Variants in SEC16A observed in about 807,000 individuals in gnomAD.
The protein encoded by SEC16A is SEC16 homolog A, endoplasmic reticulum export factor.
In SEC16A, 110 loss-of-function variants were observed where a neutral mutation model predicts 221.9. The observed-to-expected ratio is 0.50, with a 90% CI of 0.42 to 0.58. The LOEUF (loss-of-function observed/expected upper bound fraction) is 0.58, where lower values mean the gene tolerates loss of function less well. Among genes scored for constraint, SEC16A ranks in the 20% least tolerant of loss-of-function variants. The probability of loss-of-function intolerance (pLI) is 0.00; values close to 1 mark genes in which losing one functional copy is unlikely to be tolerated. For synonymous variants in SEC16A, 1,393 were observed against 1,257.7 expected, an observed-to-expected ratio of 1.11 and a Z score of -2.28; for missense variants, 3,165 against 3,097.8, an observed-to-expected ratio of 1.02 and a Z score of -0.52.
At chr9:136,481,771 T>C (rs923974560) in intron 1 of SEC16A, among the ~76,000 whole-genome samples, 6 of 152,148 alleles carry the variant, frequency 3.9e-5, no homozygotes, top group African/African-American at 1.4e-4. Flanking sequence ...TGTGGGATGC[T>C]TGACACAAAG....
In SEC16A at chr9:136,476,213, T is replaced by G; in HGVS notation, c.1403A>C (p.Gln468Pro). 1 of 1,613,798 alleles carries G rather than the reference T, an allele frequency of 6.2e-7. No individual in the cohort carries two copies. Among genetic ancestry groups the G allele is most frequent in the Non-Finnish European group, 8.5e-7 (1 of 1,179,888 alleles). Residue 468 changes from glutamine to proline, a missense_variant, in exon 3 of 32, where the codon CAA becomes CCA. By Grantham distance (76) the Gln-to-Pro change is moderately conservative. Coordinates refer to ENST00000684901, the MANE Select transcript of SEC16A (RefSeq NM_014866.2). ...GAGGGGCTCACTTGGCAGAACTTCT[T>G]GATTCTGAACAAATTCTAAGTTCTC... The part of the protein sequence containing the change: ...NVENLEFVQN[Q>P]EVLPSEPLNL...
Position 136,475,088 on chromosome 9 carries a change from A to G in SEC16A, c.2528T>C (p.Ile843Thr). The change falls in exon 3 of 32, where the codon ATT becomes ACT. Residue 843 changes from isoleucine to threonine, a missense_variant. By Grantham distance (89) the Ile-to-Thr change is moderately conservative (BLOSUM62 -1). Around this residue, in one of 3 missense-constraint regions of SEC16A, gnomAD observed 2,030 missense variants for 1,923.1 expected, o/e 1.06. Coordinates refer to ENST00000684901, the MANE Select transcript of SEC16A (RefSeq NM_014866.2). This position sits in a 1 kb window ranked among gnomAD's most constrained non-coding sequence, Gnocchi z 5.0. The stretch of plus-strand genomic sequence containing the variant: ...GTTCGATAAGGACACAGAAAAGTTA[A>G]TGGGCTGAGCCAGATTATAGCTGTG... Reference protein sequence around the residue: ...PDHSYNLAQPINFSVSLSNSH... With the variant: ...PDHSYNLAQPTNFSVSLSNSH... 1 of 1,613,844 alleles carries G rather than the reference A, an allele frequency of 6.2e-7. No homozygotes were observed. The highest frequency in any genetic ancestry group is 8.5e-7 in the Non-Finnish European group (1 of 1,179,850).
intron 31 of SEC16A, 105 bp from the exon 32 acceptor site, chr9:136,441,928 C>T: frequency 1.0e-6 from 1 of 963,024 alleles, no homozygotes; most frequent in South Asian, 1.3e-5. Context: ...CCACACGGGC[C>T]ATTGGCGCTG....
intron 1 of SEC16A, among the ~76,000 whole-genome samples, 200 bp from the exon 2 acceptor site, chr9:136,479,030 G>A (rs532061378): frequency 6.6e-6 from 1 of 152,158 alleles, no homozygotes; most frequent in Non-Finnish European, 1.5e-5. Context: ...GCCTGGAATG[G>A]AAACTCCCAG....
chr9:136,475,777 C>T lies in SEC16A; in HGVS notation c.1839G>A (p.Pro613=), dbSNP rs376950548. 1.6e-4 allele frequency: 254 copies of T among 1,596,136 alleles called. No individual in the cohort carries two copies. The African/African-American group carries it at 1.7e-3, about 11-fold the overall frequency. ...TTACCCCAACTAAGTGAGATTTTACCGGTTCGAAAGAACTATTTGCACTTG... is the reference window on the plus strand; with the variant it reads ...TTACCCCAACTAAGTGAGATTTTACTGGTTCGAAAGAACTATTTGCACTTG... ...FQTSANSSFE[P]VKSHLVGVKP... The change falls in exon 3 of 32, where the codon CCG becomes CCA. Residue 613 remains proline (P), a synonymous_variant. Transcript: ENST00000684901. The surrounding 1 kb of genome is among the most constrained non-coding windows in gnomAD (Gnocchi z 5.0).
At position 136,475,292 on chromosome 9, in the gene SEC16A, G is replaced by A. The variant is rs747047662; in HGVS notation, c.2324C>T (p.Ser775Leu). The A allele has an allele frequency of 1.3e-5, 21 of 1,613,322 alleles. No individual in the cohort carries two copies. The highest frequency in any genetic ancestry group is 1.7e-5 in the Non-Finnish European group (20 of 1,179,728). Residue 775 changes from serine to leucine, a missense_variant, in exon 3 of 32, where the codon TCG (serine) becomes TTG (leucine). Physicochemically the swap from Ser to Leu is moderately radical, Grantham distance 145. Coordinates refer to ENST00000684901, the MANE Select transcript of SEC16A (RefSeq NM_014866.2). This position sits in a 1 kb window ranked among gnomAD's most constrained non-coding sequence, Gnocchi z 5.0. Reference sequence around the variant, plus strand: ...ACCTCGGCTCTGCACCGGGGCCGCCGAGCTTGGGTTCCGTGACTGCTGCCC... The same window carrying A: ...ACCTCGGCTCTGCACCGGGGCCGCCAAGCTTGGGTTCCGTGACTGCTGCCC... ...MSGQQSRNPS[S>L]AAPVQSRGGI... is the part of the protein sequence containing the mutation.
intron 1 of SEC16A, among the ~76,000 whole-genome samples, chr9:136,481,914 A>C (rs575414338): frequency 6.2e-4 from 94 of 152,342 alleles, no homozygotes; most frequent in African/African-American, 2.2e-3. Flanking sequence ...TATTCATGAA[A>C]GATGCTTACA....
Position 136,471,014 on chromosome 9 carries a change from A to G in SEC16A, c.3704+961T>C, listed in dbSNP as rs528584736. ...ACCTCCCTGAGTGGAGATGAAAATCAACAACAGCCTCCTCTGCTCTAGGGC... is the reference window on the plus strand; with the variant it reads ...ACCTCCCTGAGTGGAGATGAAAATCGACAACAGCCTCCTCTGCTCTAGGGC... On this transcript the variant is annotated intron_variant, in intron 4 of 31. Coordinates refer to ENST00000684901, the MANE Select transcript of SEC16A (RefSeq NM_014866.2). 1.3e-4 allele frequency among the ~76,000 whole-genome samples: 20 copies of G among 152,160 alleles called. 1 individual carries two copies. The East Asian group carries it at 1.7e-3, about 13-fold the overall frequency.
chr9:136,454,026 A>G (rs1838249812), intron 21 of SEC16A, 83 bp downstream of exon 21: 1 of 1,275,356 alleles, frequency 7.8e-7, no homozygotes. Flanking sequence ...AAGCTCAAAT[A>G]ACTTCAATCT....
rs771998195 is a variant in SEC16A, at chr9:136,474,643, G to GT, written c.2972dup (p.Tyr991Ter). ...ANHSSHQEDT[Y>*]GALDFTLSRT... ...TGCTTAAGGTAAAGTCTAGGGCTCC[G>GT]TAAGTGTCTTCCTGATGACTGGAAT... Residue 991 changes from tyrosine (Y) to a stop codon, truncating the protein, a stop_gained and frameshift_variant, in exon 3 of 32, where the codon TAC (tyrosine) becomes TAAC (stop). Transcript: ENST00000684901. LOFTEE classifies it high-confidence loss of function. The GT allele has an allele frequency of 2.5e-6, 4 of 1,613,434 alleles. No homozygotes were observed. The highest frequency in any genetic ancestry group is 1.1e-5 in the South Asian group (1 of 91,066).
Position 136,467,090 on chromosome 9 carries a change from G to A in SEC16A, c.3803-7C>T. ...CGATCCCAGTGACCTGGATCTGTGA[G>A]CAAGGAATTAATGATTAATACAGTA... is the stretch of plus-strand genomic sequence containing the variant. On this transcript the variant is annotated splice_polypyrimidine_tract_variant and splice_region_variant and intron_variant, in intron 5 of 31. Transcript: ENST00000684901. 6.2e-7 allele frequency: 1 copy of A among 1,613,706 alleles called. No homozygotes were observed. Among genetic ancestry groups the A allele is most frequent in the East Asian group, 2.2e-5 (1 of 44,880 alleles).
In SEC16A at chr9:136,466,941, G is replaced by A; in HGVS notation, c.3929+16C>T. The A allele has an allele frequency of 6.2e-7, 1 of 1,609,408 alleles. No homozygotes were observed. Among genetic ancestry groups the A allele is most frequent in the South Asian group, 1.1e-5 (1 of 90,344 alleles). ...GCTGCCCCCAGCCTCTGCCTCCCCA[G>A]GGGTGCTCCACCAACCTGTCCCCGA... On this transcript the variant is annotated intron_variant, in intron 6 of 31. Transcript: ENST00000684901. This position sits in a 1 kb window ranked among gnomAD's most constrained non-coding sequence, Gnocchi z 5.5.
At chr9:136,465,655 C>T (rs1374763301) in intron 8 of SEC16A, among the ~76,000 whole-genome samples, 1 of 152,196 alleles carries the variant, frequency 6.6e-6, no homozygotes, top group East Asian at 1.9e-4. Context: ...TGCTGAGCCA[C>T]GGGGTCTGCG....
chr9:136,484,457 C>T, upstream of SEC16A: 3 of 1,205,992 alleles, frequency 2.5e-6, no homozygotes, highest in Non-Finnish European at 3.2e-6. Context: ...CCATGCCGGG[C>T]CCACTCACCT....
intron 1 of SEC16A, among the ~76,000 whole-genome samples, chr9:136,480,438 T>C (rs964316967): frequency 1.3e-5 from 2 of 152,242 alleles, no homozygotes; most frequent in Admixed American, 6.5e-5. Flanking sequence ...AAACTGAGTG[T>C]CCAGGTGAGT....
At chr9:136,458,931 G>T (rs1339239763) in intron 17 of SEC16A, among the ~76,000 whole-genome samples, 1 of 152,078 alleles carries the variant, frequency 6.6e-6, no homozygotes, top group Non-Finnish European at 1.5e-5. Flanking sequence ...GAAAATAATT[G>T]AAATCAAATG....
chr9:136,472,455 G>A (rs541075434), intron 3 of SEC16A, among the ~76,000 whole-genome samples: 11 of 152,218 alleles, frequency 7.2e-5, no homozygotes, highest in East Asian at 1.9e-4. Flanking sequence ...GGGCTGTGGC[G>A]ACTTCTGGAA....
In SEC16A at chr9:136,474,661, A is replaced by T. The variant is rs1230908211; in HGVS notation, c.2955T>A (p.Ser985Arg). ...VPDGNKANHSSHQEDTYGALD... is the reference protein window; with the variant it reads ...VPDGNKANHSRHQEDTYGALD... ...GGGCTCCGTAAGTGTCTTCCTGATG[A>T]CTGGAATGGTTTGCCTTATTACCAT... is the stretch of plus-strand genomic sequence containing the variant. Residue 985 changes from serine to arginine, a missense_variant, in exon 3 of 32, where the codon AGT becomes AGA. Coordinates refer to ENST00000684901, the MANE Select transcript of SEC16A (RefSeq NM_014866.2). 1 of 1,613,620 alleles carries T rather than the reference A, an allele frequency of 6.2e-7. No homozygotes were observed. Among genetic ancestry groups the T allele is most frequent in the Non-Finnish European group, 8.5e-7 (1 of 1,179,878 alleles).
At chr9:136,458,878 G>A (rs534645302) in intron 17 of SEC16A, among the ~76,000 whole-genome samples, 1 of 152,168 alleles carries the variant, frequency 6.6e-6, no homozygotes, top group East Asian at 1.9e-4. Context: ...CTCCAGCCTG[G>A]GCAACAGAGT....
Sources: gnomAD v4.1 joint callset for allele counts (sites outside exome capture counted in the v4.1 genomes callset) on GRCh38, gnomAD v4.1.1 for gene constraint, gnomAD v4.1.1 regional missense constraint, Gnocchi (gnomAD v3.1) non-coding constraint, MANE v1.5 for transcripts, NCBI Gene and HGNC (gene_info 2026-07-23, HGNC 2026-07-21) for gene names.